Variants in IMMP2L observed in about 807,000 individuals in gnomAD.
IMMP2L encodes the protein inner mitochondrial membrane peptidase subunit 2.
IMMP2L carries 18 observed loss-of-function variants against 19.3 expected under a neutral mutation model. That is an observed-to-expected ratio of 0.93 (90% CI 0.64 to 1.38). The LOEUF is 1.38. Among genes scored for constraint, IMMP2L ranks in the 40% most tolerant of loss-of-function variants. IMMP2L has a pLI of 0.00. For missense variants in IMMP2L, 233 were observed against 218.2 expected (o/e 1.07, Z -0.43); for synonymous variants, 76 against 73.0 (o/e 1.04, Z -0.21).
chr7:111,489,126 C>G (rs1049867195), intron 2 of IMMP2L, among the ~76,000 whole-genome samples: 2 of 141,884 alleles, frequency 1.4e-5, no homozygotes, highest in African/African-American at 5.3e-5. Context: ...TCACTGCAAT[C>G]TCCGCCTCCC....
intron 3 of IMMP2L, among the ~76,000 whole-genome samples, chr7:111,176,358 G>C (rs554809433): frequency 1.3e-5 from 2 of 152,010 alleles, no homozygotes; most frequent in Admixed American, 6.6e-5. Flanking sequence ...ATCAACATTT[G>C]GAAGCAACCT....
intron 3 of IMMP2L, among the ~76,000 whole-genome samples, chr7:111,356,286 A>G (rs1828690281): frequency 6.6e-6 from 1 of 152,006 alleles, no homozygotes; most frequent in Non-Finnish European, 1.5e-5. Flanking sequence ...AAATATTCAA[A>G]AAAAAATTTG....
intron 5 of IMMP2L, among the ~76,000 whole-genome samples, chr7:110,686,741 A>C (rs1793142518): frequency 6.6e-6 from 1 of 152,032 alleles, no homozygotes; most frequent in Non-Finnish European, 1.5e-5. Flanking sequence ...GCCCTCATCA[A>C]GGAACAGGTT....
At chr7:111,382,102 C>T (rs1831254280) in intron 3 of IMMP2L, among the ~76,000 whole-genome samples, 2 of 151,818 alleles carry the variant, frequency 1.3e-5, no homozygotes, top group Middle Eastern at 3.4e-3. Context: ...GGGTTTGCTC[C>T]AGGAGAGGTT....
chr7:111,071,112 G>GA (rs890728104), intron 3 of IMMP2L, among the ~76,000 whole-genome samples: 4 of 151,966 alleles, frequency 2.6e-5, no homozygotes, highest in African/African-American at 9.7e-5. Flanking sequence ...ACAAGTACAT[G>GA]AAAAAAATTT....
At chr7:110,776,381 T>C (rs796276191) in intron 5 of IMMP2L, among the ~76,000 whole-genome samples, 4 of 152,174 alleles carry the variant, frequency 2.6e-5, no homozygotes, top group African/African-American at 9.6e-5. Context: ...CTACGTTCCA[T>C]GAACGAGAGT....
chr7:111,521,021 G>A (rs1002057258), intron 2 of IMMP2L, among the ~76,000 whole-genome samples: 1 of 152,056 alleles, frequency 6.6e-6, no homozygotes, highest in Admixed American at 6.6e-5. Context: ...CATATTCACA[G>A]AAAACAGTGT....
intron 3 of IMMP2L, among the ~76,000 whole-genome samples, chr7:111,265,547 T>C (rs997886428): frequency 1.3e-5 from 2 of 152,120 alleles, no homozygotes; most frequent in African/African-American, 4.8e-5. Flanking sequence ...AAAAATTTCA[T>C]GGAAGGGACA....
intron 2 of IMMP2L, among the ~76,000 whole-genome samples, chr7:111,511,136 T>G (rs1040049116): frequency 6.6e-6 from 1 of 152,084 alleles, no homozygotes; most frequent in African/African-American, 2.4e-5. Context: ...CCATTCATCA[T>G]TAGTCATCCC....
At chr7:111,280,455 T>C (rs1057036024) in intron 3 of IMMP2L, among the ~76,000 whole-genome samples, 21 of 152,302 alleles carry the variant, frequency 1.4e-4, no homozygotes, top group African/African-American at 4.8e-4. Flanking sequence ...CTTTATATAC[T>C]TGTTTACTGC....
At chr7:110,742,728 A>G (rs569711045) in intron 5 of IMMP2L, among the ~76,000 whole-genome samples, 2 of 147,888 alleles carry the variant, frequency 1.4e-5, no homozygotes, top group East Asian at 2.0e-4. Context: ...AGATCACACC[A>G]CTGCACTCCA....
chr7:110,957,474 C>CTAAA (rs1818470605), intron 4 of IMMP2L, among the ~76,000 whole-genome samples: 1 of 151,962 alleles, frequency 6.6e-6, no homozygotes, highest in East Asian at 2.0e-4. Flanking sequence ...GATTATCCCC[C>CTAAA]TTTAGTCTAT....
At chr7:111,499,849 C>T (rs760885801) in intron 2 of IMMP2L, among the ~76,000 whole-genome samples, 1 of 152,126 alleles carries the variant, frequency 6.6e-6, no homozygotes, top group Non-Finnish European at 1.5e-5. Context: ...CAAATAGGAA[C>T]AGCTCTGGTC....
intron 4 of IMMP2L, among the ~76,000 whole-genome samples, chr7:110,925,711 T>A (rs957464932): frequency 6.6e-6 from 1 of 152,108 alleles, no homozygotes; most frequent in Admixed American, 6.6e-5. Context: ...CTATATTGCT[T>A]AATTACAAAG....
At chr7:110,688,487 A>C (rs932097185) in intron 5 of IMMP2L, among the ~76,000 whole-genome samples, 2 of 152,120 alleles carry the variant, frequency 1.3e-5, no homozygotes, top group Non-Finnish European at 2.9e-5. Context: ...TAATCAATAT[A>C]AAAATGGATT....
At chr7:111,049,363 C>T (rs922321180) in intron 3 of IMMP2L, among the ~76,000 whole-genome samples, 30 of 152,102 alleles carry the variant, frequency 2.0e-4, no homozygotes, top group African/African-American at 6.7e-4. Flanking sequence ...GATCTCCTGA[C>T]CTCGTGATCC....
intron 4 of IMMP2L, among the ~76,000 whole-genome samples, chr7:110,906,029 T>C (rs771388994): frequency 1.3e-5 from 2 of 152,238 alleles, no homozygotes; most frequent in Non-Finnish European, 2.9e-5. Flanking sequence ...ATGAAAAAGA[T>C]ATTTGTGACC....
chr7:110,981,151 C>T (rs1821252835), intron 3 of IMMP2L, among the ~76,000 whole-genome samples: 1 of 151,952 alleles, frequency 6.6e-6, no homozygotes, highest in Admixed American at 6.6e-5. Flanking sequence ...CTATAACTTT[C>T]CATACTGTGT....
intron 4 of IMMP2L, among the ~76,000 whole-genome samples, chr7:110,917,350 A>G (rs1489330019): frequency 6.6e-6 from 1 of 152,186 alleles, no homozygotes; most frequent in Non-Finnish European, 1.5e-5. Flanking sequence ...GAAAACCAAT[A>G]CTACATTTTT....
Sources: allele counts gnomAD v4.1 joint callset (sites outside exome capture counted in the v4.1 genomes callset), GRCh38; gene constraint gnomAD v4.1.1; transcripts MANE v1.5; gene names NCBI Gene and HGNC (gene_info 2026-07-23, HGNC 2026-07-21).